Variants in CRY2 observed in about 807,000 individuals in gnomAD.
CRY2 encodes cryptochrome-2.
CRY2 carries 31 observed loss-of-function variants against 69.5 expected under a neutral mutation model. The ratio of observed to expected loss-of-function variants is 0.45; its 90% CI spans 0.34 to 0.60. The LOEUF (loss-of-function observed/expected upper bound fraction) is 0.60. Ranked by LOEUF, CRY2 falls within the 20% of genes least tolerant of loss-of-function variation. The pLI, the probability that CRY2 is intolerant of heterozygous loss-of-function variation, is 0.02. For missense variants in CRY2, 606 were observed against 797.8 expected, an observed-to-expected ratio of 0.76 and a Z score of 2.90; for synonymous variants, 303 against 312.2, an observed-to-expected ratio of 0.97 and a Z score of 0.31.
At position 45,870,047 on chromosome 11, in the gene CRY2, A is replaced by G. The variant is rs201640294; in HGVS notation, c.1195-6A>G. 37 of 1,592,482 alleles carry G rather than the reference A, an allele frequency of 2.3e-5. No individual in the cohort carries two copies. In the East Asian group the frequency reaches 5.4e-4, roughly 23 times the overall value. On this transcript the variant is annotated splice_polypyrimidine_tract_variant and splice_region_variant and intron_variant, in intron 7 of 11. Transcript: ENST00000616080. ...AAGGAGGCTGATCATCCCCTCCCCTATCTAGGTATTTGATGAGCTGCTCCT... is the reference window on the plus strand; with the variant it reads ...AAGGAGGCTGATCATCCCCTCCCCTGTCTAGGTATTTGATGAGCTGCTCCT...
At chr11:45,872,801 T>C (rs2086396678) in intron 11 of CRY2, among the ~76,000 whole-genome samples, 1 of 152,148 alleles carries the variant, frequency 6.6e-6, no homozygotes. Flanking sequence ...AGCTGAGACC[T>C]GCGTGTGAAG....
At chr11:45,865,069 G>A (rs2086319281) in intron 5 of CRY2, among the ~76,000 whole-genome samples, 1 of 151,366 alleles carries the variant, frequency 6.6e-6, no homozygotes, top group Admixed American at 6.6e-5. Context: ...CAGAAATAAA[G>A]TTTTTTAAAT....
chr11:45,878,149 T>A (rs2086438148), intron 11 of CRY2, among the ~76,000 whole-genome samples: 1 of 152,208 alleles, frequency 6.6e-6, no homozygotes. Flanking sequence ...CTTTGGAAAG[T>A]CGATGGAGGA....
rs752812004 is a variant in CRY2, at chr11:45,867,608, G to A, written c.742-4G>A. On this transcript the variant is annotated splice_region_variant and splice_polypyrimidine_tract_variant and intron_variant, in intron 5 of 11. Coordinates refer to ENST00000616080, the MANE Select transcript of CRY2 (RefSeq NM_021117.5). ...CCTTTTGCCACCTTCTCTTTCTGCTGTAGGCCTGGGTTGCCAACTATGAGA... is the reference window on the plus strand; with the variant it reads ...CCTTTTGCCACCTTCTCTTTCTGCTATAGGCCTGGGTTGCCAACTATGAGA... 1.2e-6 allele frequency: 2 copies of A among 1,614,114 alleles called. No homozygotes were observed. Among genetic ancestry groups the A allele is most frequent in the Non-Finnish European group, 1.7e-6 (2 of 1,179,994 alleles).
intron 3 of CRY2, among the ~76,000 whole-genome samples, chr11:45,859,869 G>A (rs60988489): frequency 6.6e-6 from 1 of 152,164 alleles, no homozygotes; most frequent in Admixed American, 6.5e-5. Context: ...AAGAAGCCAG[G>A]TCACACAGCT....
chr11:45,862,696 A>G (rs1452190250), intron 5 of CRY2, among the ~76,000 whole-genome samples: 3 of 152,196 alleles, frequency 2.0e-5, no homozygotes, highest in Admixed American at 6.5e-5. Context: ...AGTAAAATCT[A>G]TAAGATTATT....
chr11:45,871,947 G>C, intron 10 of CRY2, 145 bp from the exon 11 acceptor site: 1 of 1,176,364 alleles, frequency 8.5e-7, no homozygotes, highest in East Asian at 2.6e-5. Context: ...TGAAAGCAAG[G>C]CCGAGGGGCA....
chr11:45,879,320 A>G lies in CRY2; in HGVS notation c.*3-1594A>G, dbSNP rs1489370699. Among the ~76,000 whole-genome samples, 5 of 152,212 alleles carry G rather than the reference A, an allele frequency of 3.3e-5. No homozygotes were observed. In the East Asian group the frequency reaches 7.7e-4, roughly 23 times the overall value. ...TTTATTTTGCCCAGCTTCCAGATAA[A>G]TTATCATCAGATAAAATCTGCTTCA... On this transcript the variant is annotated intron_variant, in intron 11 of 11. Transcript: ENST00000616080.
chr11:45,870,994 TTCAG>T, intron 10 of CRY2, 60 bp downstream of exon 10: 4 of 1,436,346 alleles, frequency 2.8e-6, no homozygotes, highest in Non-Finnish European at 3.8e-6. Context: ...ACTTCAGTCA[TTCAG>T]GACTGAGGCC....
chr11:45,848,757 C>T (rs949605228), intron 1 of CRY2, among the ~76,000 whole-genome samples: 5 of 152,130 alleles, frequency 3.3e-5, no homozygotes, highest in Non-Finnish European at 7.3e-5. Context: ...CATCGATGGA[C>T]AGGGTTATTT....
At chr11:45,878,361 A>C (rs1019166112) in intron 11 of CRY2, among the ~76,000 whole-genome samples, 42 of 152,240 alleles carry the variant, frequency 2.8e-4, no homozygotes, top group African/African-American at 6.3e-4. Flanking sequence ...AACACACACA[A>C]AAAAAATGGA....
At chr11:45,850,598 A>G (rs920362088) in intron 1 of CRY2, among the ~76,000 whole-genome samples, 3 of 152,034 alleles carry the variant, frequency 2.0e-5, no homozygotes, top group South Asian at 2.1e-4. Context: ...AAAGTTGGGG[A>G]TAGAGGGGAG....
rs759577670 is a variant in CRY2, at chr11:45,847,717, C to T, written c.215+12C>T. On this transcript the variant is annotated intron_variant, in intron 1 of 11. Transcript: ENST00000616080. ...ATCAACCGATGGAGGTGAGGGGACC[C>T]GGGGCTGGGTGGCGGGGACGCAGCC... 4.5e-6 allele frequency: 7 copies of T among 1,547,552 alleles called. No homozygotes were observed. The highest frequency in any genetic ancestry group is 6.1e-6 in the Non-Finnish European group (7 of 1,145,416).
intron 5 of CRY2, among the ~76,000 whole-genome samples, chr11:45,866,646 C>T (rs1392112720): frequency 6.6e-6 from 1 of 152,076 alleles, no homozygotes; most frequent in Non-Finnish European, 1.5e-5. Context: ...GCCAACATGG[C>T]GAAACCCCAT....
At chr11:45,859,817 C>T (rs899191461) in intron 3 of CRY2, among the ~76,000 whole-genome samples, 11 of 152,138 alleles carry the variant, frequency 7.2e-5, no homozygotes, top group African/African-American at 1.4e-4. Flanking sequence ...CAGCAGCCGC[C>T]GCCGCTCCCC....
chr11:45,847,263 C>T (rs1369398491), upstream of CRY2: 4 of 1,551,640 alleles, frequency 2.6e-6, no homozygotes, highest in Non-Finnish European at 3.5e-6. Context: ...CCAGCTCCAC[C>T]CGGGCGGACC....
At chr11:45,862,638 T>G (rs2086297227) in intron 5 of CRY2, among the ~76,000 whole-genome samples, 1 of 152,362 alleles carries the variant, frequency 6.6e-6, no homozygotes, top group Admixed American at 6.5e-5. Flanking sequence ...TCGGATTGCT[T>G]TTCTTTCATC....
rs1240055831 is a variant in CRY2, at chr11:45,881,953, G to C, written c.*1042G>C. 1 of 152,286 alleles carries C rather than the reference G, an allele frequency of 6.6e-6. No homozygotes were observed. The highest frequency in any genetic ancestry group is 2.4e-5 in the African/African-American group (1 of 41,458). 9.4% of individuals were successfully genotyped at this position (152,286 alleles called of 1,614,324 possible). On this transcript the variant is annotated 3_prime_UTR_variant, in exon 12 of 12. Coordinates refer to ENST00000616080, the MANE Select transcript of CRY2 (RefSeq NM_021117.5). ...TCCTGGACTTGTCAGCATCCAGACT[G>C]CCATGTCAGCTATCCCAGTAGCTGA... is the stretch of plus-strand genomic sequence containing the variant.
chr11:45,847,245 T>A (rs2086155731), upstream of CRY2: 2 of 1,551,174 alleles, frequency 1.3e-6, no homozygotes, highest in African/African-American at 1.4e-5. Flanking sequence ...GCGTCACTTG[T>A]CCGCATGCCA....
Sources: gnomAD v4.1 joint callset for allele counts (sites outside exome capture counted in the v4.1 genomes callset) on GRCh38, gnomAD v4.1.1 for gene constraint, MANE v1.5 for transcripts, NCBI Gene and HGNC (gene_info 2026-07-23, HGNC 2026-07-21) for gene names.